The following ADIPOR2 variants were observed in gnomAD, a reference collection of about 807,000 sequenced individuals.
ADIPOR2 encodes adiponectin receptor protein 2.
Under a neutral mutation model 40.9 loss-of-function variants are expected in ADIPOR2, and 18 were observed. The observed-to-expected ratio is 0.44, with a 90% CI of 0.30 to 0.65. The LOEUF (loss-of-function observed/expected upper bound fraction) is 0.65, where lower values mean the gene tolerates loss of function less well. ADIPOR2 is among the 30% of genes least tolerant of loss of function. The pLI is 0.09. For missense variants in ADIPOR2, 283 were observed against 479.2 expected (o/e 0.59, Z 3.82); for synonymous variants, 165 against 166.4 (o/e 0.99, Z 0.06).
intron 1 of ADIPOR2, chr12:1,730,804 A>G (rs1219294038): frequency 2.0e-5 from 3 of 152,284 alleles, no homozygotes; most frequent in South Asian, 2.1e-4. Context: ...AGAGCAAATC[A>G]TAACTTTTTA....
chr12:1,726,254 A>C (rs775069340), intron 1 of ADIPOR2, among the ~76,000 whole-genome samples: 1 of 151,964 alleles, frequency 6.6e-6, no homozygotes, highest in Non-Finnish European at 1.5e-5. Context: ...CTGGAGTGCA[A>C]TGGCACCATC....
At chr12:1,720,946 T>C (rs756827292) in intron 1 of ADIPOR2, among the ~76,000 whole-genome samples, 85 of 152,182 alleles carry the variant, frequency 5.6e-4, no homozygotes, top group African/African-American at 1.8e-3. Flanking sequence ...GAAAGGCTAA[T>C]CAGAAATGCA....
chr12:1,734,457 C>T lies in ADIPOR2; in HGVS notation c.-86-19801C>T, dbSNP rs1279300298. Among the ~76,000 whole-genome samples, 7 of 151,814 alleles carry T rather than the reference C, an allele frequency of 4.6e-5. No homozygotes were observed. In the East Asian group the frequency reaches 7.7e-4, roughly 17 times the overall value. ...TCCTTTGCCCACTTTTTGATGGGGT[C>T]GTTTGTTTTTTTCTTGTAAATTTGT... On this transcript the variant is annotated intron_variant, in intron 1 of 7. Coordinates refer to ENST00000357103, the MANE Select transcript of ADIPOR2 (RefSeq NM_024551.3).
In ADIPOR2 at chr12:1,783,984, A is replaced by G. The variant is rs1313284311; in HGVS notation, c.943A>G (p.Met315Val). The G allele has an allele frequency of 6.2e-7, 1 of 1,613,882 alleles. No homozygotes were observed. Among genetic ancestry groups the G allele is most frequent in the Admixed American group, 1.7e-5 (1 of 60,000 alleles). ...AATIGQIGWL[M>V]LMASLYITGA... ...CACCATAGGGCAGATAGGCTGGTTG[A>G]TGCTGATGGCCAGCCTCTACATCAC... is the stretch of plus-strand genomic sequence containing the variant. The change falls in exon 7 of 8, where the codon ATG becomes GTG. Residue 315 changes from methionine (M) to valine (V), a missense_variant. By Grantham distance (21) the Met-to-Val change is conservative. Transcript: ENST00000357103.
intron 1 of ADIPOR2, among the ~76,000 whole-genome samples, chr12:1,721,205 C>CTTTTTTT (rs59268943): frequency 1.7e-5 from 1 of 58,182 alleles, no homozygotes; most frequent in Non-Finnish European, 2.9e-5. Context: ...ATAAAATAAA[C>CTTTTTTT]TTTTTTTTTT....
At position 1,767,315 on chromosome 12, in the gene ADIPOR2, A is replaced by G. The variant is rs1175583026; in HGVS notation, c.172-5527A>G. On this transcript the variant is annotated intron_variant, in intron 2 of 7. Transcript: ENST00000357103. ...AAAAAGATAGAATTGCTATTTGAGA[A>G]TTTTTAAAAAACTGAGTGATTTTAA... Among the ~76,000 whole-genome samples the G allele has an allele frequency of 3.3e-5, 5 of 150,548 alleles. No individual in the cohort carries two copies. In the South Asian group the frequency reaches 1.0e-3, roughly 32 times the overall value.
intron 1 of ADIPOR2, among the ~76,000 whole-genome samples, chr12:1,728,850 GA>G (rs2094713539): frequency 6.6e-6 from 1 of 151,678 alleles, no homozygotes; most frequent in Admixed American, 6.6e-5. Flanking sequence ...CTGATTTACA[GA>G]TATTGATAGT....
At chr12:1,770,003 G>A (rs1335819380) in intron 2 of ADIPOR2, among the ~76,000 whole-genome samples, 1 of 150,598 alleles carries the variant, frequency 6.6e-6, no homozygotes, top group African/African-American at 2.4e-5. Context: ...TTGCAACCTC[G>A]ACCTCCTGGG....
intron 2 of ADIPOR2, among the ~76,000 whole-genome samples, chr12:1,760,433 C>T (rs1483691438): frequency 6.6e-6 from 1 of 152,124 alleles, no homozygotes; most frequent in Non-Finnish European, 1.5e-5. Context: ...AACTTTAGGA[C>T]ATTTTTATCA....
At chr12:1,751,712 G>T (rs907150488) in intron 1 of ADIPOR2, among the ~76,000 whole-genome samples, 2 of 150,842 alleles carry the variant, frequency 1.3e-5, no homozygotes, top group Admixed American at 6.6e-5. Flanking sequence ...GTAGAGGTGG[G>T]TCTCACTTTG....
At chr12:1,737,952 C>G (rs149866383) in intron 1 of ADIPOR2, among the ~76,000 whole-genome samples, 180 of 152,202 alleles carry the variant, frequency 1.2e-3, no homozygotes, top group African/African-American at 4.0e-3. Flanking sequence ...ATGAAGGTCC[C>G]TTTTTTTGAT....
At chr12:1,766,594 A>G (rs374480530) in intron 2 of ADIPOR2, among the ~76,000 whole-genome samples, 63 of 152,314 alleles carry the variant, frequency 4.1e-4, no homozygotes, top group African/African-American at 1.1e-3. Flanking sequence ...TATATTTGCT[A>G]AAGTATATAG....
intron 1 of ADIPOR2, among the ~76,000 whole-genome samples, chr12:1,731,893 G>A (rs1212060314): frequency 2.0e-5 from 3 of 152,180 alleles, no homozygotes; most frequent in East Asian, 3.9e-4. Context: ...GAACCCGCGG[G>A]GCAGAGGTTG....
intron 1 of ADIPOR2, among the ~76,000 whole-genome samples, chr12:1,729,892 A>G (rs1162330506): frequency 6.6e-6 from 1 of 152,164 alleles, no homozygotes; most frequent in Non-Finnish European, 1.5e-5. Flanking sequence ...TGTTGCTTGA[A>G]CAAATTAATG....
At chr12:1,711,613 CCT>C (rs3052417) in intron 1 of ADIPOR2, among the ~76,000 whole-genome samples, 8 of 149,768 alleles carry the variant, frequency 5.3e-5, no homozygotes, top group African/African-American at 1.5e-4. Context: ...TTTGTCTCTT[CCT>C]CTCTCTCTCT....
chr12:1,718,778 T>A (rs1412874890), intron 1 of ADIPOR2, among the ~76,000 whole-genome samples: 1 of 152,188 alleles, frequency 6.6e-6, no homozygotes, highest in Non-Finnish European at 1.5e-5. Context: ...CCCTCAACTC[T>A]ACCTCACATA....
chr12:1,778,261 A>G (rs867045089), intron 4 of ADIPOR2: 3 of 392,444 alleles, frequency 7.6e-6, no homozygotes, highest in Non-Finnish European at 1.3e-5. Flanking sequence ...TCTTGTCCTC[A>G]AACCAGGCCA....
intron 1 of ADIPOR2, among the ~76,000 whole-genome samples, chr12:1,747,039 A>C (rs1348009775): frequency 1.4e-5 from 2 of 139,960 alleles, no homozygotes; most frequent in African/African-American, 5.8e-5. Flanking sequence ...TGTCTCCCCC[A>C]CTAACTCCAC....
chr12:1,763,846 G>T (rs1045087790), intron 2 of ADIPOR2, among the ~76,000 whole-genome samples: 3 of 152,096 alleles, frequency 2.0e-5, no homozygotes, highest in African/African-American at 7.2e-5. Context: ...GGGCCTGGTG[G>T]CATGTACCTG....
Sources: allele counts gnomAD v4.1 joint callset (sites outside exome capture counted in the v4.1 genomes callset), GRCh38; gene constraint gnomAD v4.1.1; transcripts MANE v1.5; gene names NCBI Gene and HGNC (gene_info 2026-07-23, HGNC 2026-07-21).